The following CCDC77 variants were observed in gnomAD, a reference collection of about 807,000 sequenced individuals.
CCDC77 encodes coiled-coil domain-containing protein 77.
Under a neutral mutation model 66.8 loss-of-function variants are expected in CCDC77, and 56 were observed. The observed-to-expected ratio is 0.84, with a 90% CI of 0.68 to 1.05. The LOEUF is 1.05. Ranked by LOEUF, CCDC77 falls within the 50% of genes least tolerant of loss-of-function variation. The pLI is 0.00. For synonymous variants in CCDC77, 196 were observed against 195.2 expected (o/e 1.00, Z -0.03); for missense variants, 570 against 576.8 (o/e 0.99, Z 0.12).
chr12:426,606 C>T (rs572181269), intron 5 of CCDC77, among the ~76,000 whole-genome samples: 1 of 152,274 alleles, frequency 6.6e-6, no homozygotes, highest in African/African-American at 2.4e-5. Flanking sequence ...CTGTCCCCCA[C>T]CTAGTATGTC....
chr12:433,060 A>T, intron 8 of CCDC77, 114 bp from the exon 9 acceptor site: 1 of 1,083,600 alleles, frequency 9.2e-7, no homozygotes, highest in Non-Finnish European at 1.4e-6. Flanking sequence ...TAGGATTGAG[A>T]TGTTTTTGTT....
chr12:417,349 T>G (rs1945305758), intron 4 of CCDC77, among the ~76,000 whole-genome samples: 1 of 152,110 alleles, frequency 6.6e-6, no homozygotes, highest in Non-Finnish European at 1.5e-5. Context: ...ACTGTCTGCT[T>G]CTCTCTCTAC....
At chr12:441,241 C>T (rs1047864848) in intron 12 of CCDC77, among the ~76,000 whole-genome samples, 6 of 152,166 alleles carry the variant, frequency 3.9e-5, no homozygotes, top group African/African-American at 1.4e-4. Flanking sequence ...TGTCATCCCT[C>T]CTAATTCAAG....
chr12:403,171 G>C (rs530761203), intron 1 of CCDC77, among the ~76,000 whole-genome samples: 3 of 152,186 alleles, frequency 2.0e-5, no homozygotes, highest in Non-Finnish European at 2.9e-5. Flanking sequence ...TTAGATGACA[G>C]AGTTAATAAT....
intron 1 of CCDC77, among the ~76,000 whole-genome samples, chr12:394,764 T>C (rs1349970334): frequency 3.9e-5 from 6 of 152,162 alleles, no homozygotes; most frequent in African/African-American, 1.4e-4. Flanking sequence ...AATTTAGATA[T>C]AGAATGGAAG....
chr12:390,209 C>G (rs528418007), intron 1 of CCDC77: 1 of 152,198 alleles, frequency 6.6e-6, no homozygotes, highest in Non-Finnish European at 1.5e-5. Context: ...CTCTCCATCC[C>G]CGTTACCAGT....
chr12:411,276 C>T (rs993722002), intron 3 of CCDC77, among the ~76,000 whole-genome samples: 10 of 151,832 alleles, frequency 6.6e-5, no homozygotes, highest in East Asian at 1.9e-4. Flanking sequence ...CAGGTTCAAG[C>T]GATTCTCCTG....
chr12:397,363 G>C (rs1377283867), upstream of CCDC77, among the ~76,000 whole-genome samples: 1 of 152,106 alleles, frequency 6.6e-6, no homozygotes, highest in Non-Finnish European at 1.5e-5. Flanking sequence ...AAAGGAAATA[G>C]ACAAAAGATA....
At chr12:422,948 C>G (rs559020832) in intron 5 of CCDC77, among the ~76,000 whole-genome samples, 4 of 152,080 alleles carry the variant, frequency 2.6e-5, no homozygotes, top group African/African-American at 9.6e-5. Context: ...TGTATATACC[C>G]AGCAGTAGAT....
At chr12:430,272 C>T (rs1945627563) in intron 6 of CCDC77, among the ~76,000 whole-genome samples, 1 of 152,198 alleles carries the variant, frequency 6.6e-6, no homozygotes, top group Non-Finnish European at 1.5e-5. Context: ...AGATTATAGG[C>T]ATGAGCCACC....
At chr12:409,659 G>T in intron 3 of CCDC77, 2 of 495,250 alleles carry the variant, frequency 4.0e-6, no homozygotes, top group South Asian at 2.5e-5. Flanking sequence ...TGTGATTACA[G>T]GCATAAGCCA....
Position 430,670 on chromosome 12 carries a change from A to G in CCDC77, c.517A>G (p.Ile173Val). 1 of 1,613,678 alleles carries G rather than the reference A, an allele frequency of 6.2e-7. No homozygotes were observed. Among genetic ancestry groups the G allele is most frequent in the Non-Finnish European group, 8.5e-7 (1 of 1,179,538 alleles). ...CCAGTTTTTGCTTCTTCAGGTCACC[A>G]TTCTCCAAAAGACTATCCAGGCTGT... ...FCKEPPHKVT[I>V]LQKTIQAVGE... is the part of the protein sequence containing the mutation. The change falls in exon 7 of 13, where the codon ATT becomes GTT. Residue 173 changes from isoleucine (I) to valine (V), a missense_variant. Physicochemically the swap from Ile to Val is conservative, Grantham distance 29. Coordinates refer to ENST00000239830, the MANE Select transcript of CCDC77 (RefSeq NM_032358.4).
chr12:399,406 G>A (rs1320327583), upstream of CCDC77, among the ~76,000 whole-genome samples: 1 of 152,094 alleles, frequency 6.6e-6, no homozygotes, highest in Non-Finnish European at 1.5e-5. Context: ...TCCTGACCTG[G>A]TGATCCGCCC....
chr12:393,934 A>G (rs1014722644), intron 1 of CCDC77, among the ~76,000 whole-genome samples: 1 of 152,158 alleles, frequency 6.6e-6, no homozygotes, highest in African/African-American at 2.4e-5. Context: ...GGCTTTTCCT[A>G]ATGTTGACAT....
chr12:389,992 T>C (rs1252865171), intron 1 of CCDC77: 1 of 152,190 alleles, frequency 6.6e-6, no homozygotes, highest in African/African-American at 2.4e-5. Flanking sequence ...CTCTCCTGAA[T>C]TACCAGCCAG....
chr12:419,528 A>G (rs1451069242), intron 5 of CCDC77, among the ~76,000 whole-genome samples: 63 of 35,730 alleles, frequency 1.8e-3, no homozygotes, highest in Non-Finnish European at 2.7e-3. Context: ...TGGGAGTGAG[A>G]GGGTAAACAC....
At chr12:389,364 G>A in exon 1 of CCDC77, 2 of 604,424 alleles carry the variant, frequency 3.3e-6, no homozygotes, top group Non-Finnish European at 6.0e-6. Flanking sequence ...TTCCGCAGCT[G>A]CACGACGCCT....
At chr12:428,160 C>G (rs1591986354) in intron 5 of CCDC77, among the ~76,000 whole-genome samples, 1 of 152,088 alleles carries the variant, frequency 6.6e-6, no homozygotes, top group South Asian at 2.1e-4. Flanking sequence ...GCCCATCAGC[C>G]CCGAAGAGCA....
At position 430,746 on chromosome 12, in the gene CCDC77, A is replaced by G; in HGVS notation, c.583+10A>G. ...TCAGCTTTCAAAGCAGGTAACAACC[A>G]TATAACCTATTAGAAATTCTCATCA... On this transcript the variant is annotated intron_variant, in intron 7 of 12. Transcript: ENST00000239830. 6.3e-7 allele frequency: 1 copy of G among 1,598,708 alleles called. No homozygotes were observed. The highest frequency in any genetic ancestry group is 8.6e-7 in the Non-Finnish European group (1 of 1,165,920).
Sources: gnomAD v4.1 joint callset for allele counts (sites outside exome capture counted in the v4.1 genomes callset) on GRCh38, gnomAD v4.1.1 for gene constraint, MANE v1.5 for transcripts, NCBI Gene and HGNC (gene_info 2026-07-23, HGNC 2026-07-21) for gene names.